Variants in AMD1 observed in about 807,000 individuals in gnomAD.
AMD1 encodes the protein S-adenosylmethionine decarboxylase proenzyme.
A neutral mutation model predicts 40.2 loss-of-function variants in AMD1; 11 were observed. That is an observed-to-expected ratio of 0.27 (90% CI 0.17 to 0.45). AMD1 has a LOEUF of 0.45. Ranked by LOEUF, AMD1 falls within the 20% of genes least tolerant of loss-of-function variation. AMD1 has a pLI of 1.00. For missense variants in AMD1, 257 were observed against 410.2 expected (o/e 0.63, Z 3.23); for synonymous variants, 121 against 130.8 (o/e 0.93, Z 0.51).
intron 1 of AMD1, 116 bp downstream of exon 1, chr6:110,875,331 G>C: frequency 1.2e-6 from 1 of 844,298 alleles, no homozygotes; most frequent in South Asian, 1.5e-5. Context: ...CAAGTCTGCG[G>C]CCTGGGGTCG....
At chr6:110,849,966 A>G in the AMD1 span, among the ~76,000 whole-genome samples, 1 of 151,770 alleles carries the variant, frequency 6.6e-6, no homozygotes, top group Non-Finnish European at 1.5e-5. Context: ...TTGAGGCTGC[A>G]GTGAGCTGTG....
chr6:110,817,257 G>A, the AMD1 span, among the ~76,000 whole-genome samples: 1 of 152,160 alleles, frequency 6.6e-6, no homozygotes, highest in Admixed American at 6.5e-5. Context: ...ACTAGTGGGA[G>A]GGGGAATGAT....
At chr6:110,841,604 G>T in the AMD1 span, among the ~76,000 whole-genome samples, 1 of 151,838 alleles carries the variant, frequency 6.6e-6, no homozygotes, top group African/African-American at 2.4e-5. Context: ...AGTTTAGATT[G>T]TGCGGTCTGG....
At position 110,894,908 on chromosome 6, in the gene AMD1, T is replaced by G. The variant is rs568932520; in HGVS notation, c.*1292T>G. The G allele has an allele frequency of 6.6e-6, 1 of 152,304 alleles. No individual in the cohort carries two copies. Among genetic ancestry groups the G allele is most frequent in the Admixed American group, 6.5e-5 (1 of 15,298 alleles). The allele number at this position is 152,304 out of a possible 1,614,324, so 9.4% of individuals were successfully genotyped here. A position where few individuals can be genotyped will look rare whatever the true frequency, so the allele number is the denominator to read the frequency against. On this transcript the variant is annotated 3_prime_UTR_variant, in exon 9 of 9. Transcript: ENST00000368885. ...GCCCAGAATGAGAATTTGTCCAGAT[T>G]ATTCAGATAAACATCATAAAGCAGA...
the AMD1 span, among the ~76,000 whole-genome samples, chr6:110,868,168 GAC>G: frequency 7.9e-5 from 12 of 151,368 alleles, no homozygotes; most frequent in African/African-American, 2.7e-4. Flanking sequence ...TTATTTTTGA[GAC>G]AGAGTCTCAC....
chr6:110,831,534 A>G, the AMD1 span, among the ~76,000 whole-genome samples: 1 of 152,108 alleles, frequency 6.6e-6, no homozygotes, highest in East Asian at 1.9e-4. Context: ...GGCTCAAGCA[A>G]TCCTCCCACT....
the AMD1 span, among the ~76,000 whole-genome samples, chr6:110,846,096 C>CG: frequency 6.6e-6 from 1 of 151,928 alleles, no homozygotes; most frequent in Non-Finnish European, 1.5e-5. Flanking sequence ...AAAAATTAGC[C>CG]GGTGTGGTGG....
chr6:110,847,782 G>T, the AMD1 span, among the ~76,000 whole-genome samples: 1 of 151,086 alleles, frequency 6.6e-6, no homozygotes, highest in African/African-American at 2.4e-5. Flanking sequence ...CACAATCTTG[G>T]CTCACTGCAA....
chr6:110,879,427 C>A lies in AMD1; in HGVS notation c.110+4212C>A, dbSNP rs77257555. On this transcript the variant is annotated intron_variant, in intron 1 of 8. Transcript: ENST00000368885. Reference sequence around the variant, plus strand: ...AGCACATGTTGAAAGTAGCAGAAAACTGAGAGGAGTATCCCGATTTGGGGT... The same window carrying A: ...AGCACATGTTGAAAGTAGCAGAAAAATGAGAGGAGTATCCCGATTTGGGGT... Among the ~76,000 whole-genome samples, 41 of 152,240 alleles carry A rather than the reference C, an allele frequency of 2.7e-4. No homozygotes were observed. In the East Asian group the frequency reaches 7.7e-3, roughly 29 times the overall value.
chr6:110,854,728 G>A, the AMD1 span, among the ~76,000 whole-genome samples: 2 of 151,950 alleles, frequency 1.3e-5, no homozygotes, highest in Non-Finnish European at 2.9e-5. Context: ...GATTACAGGA[G>A]TGAGCCACCG....
At chr6:110,826,574 T>C in the AMD1 span, among the ~76,000 whole-genome samples, 1 of 152,150 alleles carries the variant, frequency 6.6e-6, no homozygotes, top group Admixed American at 6.6e-5. Context: ...GGTTCTGGTG[T>C]TGCCTGAAAG....
At chr6:110,853,779 T>C in the AMD1 span, among the ~76,000 whole-genome samples, 32 of 152,320 alleles carry the variant, frequency 2.1e-4, no homozygotes, top group African/African-American at 7.7e-4. Context: ...CTTTCAGAAC[T>C]AACAGTTGAA....
chr6:110,857,658 A>G, the AMD1 span, among the ~76,000 whole-genome samples: 137 of 139,340 alleles, frequency 9.8e-4, no homozygotes, highest in African/African-American at 3.5e-3. Context: ...TATAGATGGT[A>G]TATATATATA....
At chr6:110,829,259 C>T in the AMD1 span, among the ~76,000 whole-genome samples, 1 of 151,776 alleles carries the variant, frequency 6.6e-6, no homozygotes, top group Non-Finnish European at 1.5e-5. Context: ...CGGCTGAGTG[C>T]AGTGGCTCAC....
chr6:110,868,682 A>G, the AMD1 span, among the ~76,000 whole-genome samples: 1 of 152,180 alleles, frequency 6.6e-6, no homozygotes, highest in South Asian at 2.1e-4. Flanking sequence ...CTCTATCCAT[A>G]TTAGTTACAC....
At chr6:110,840,729 G>A in the AMD1 span, among the ~76,000 whole-genome samples, 1 of 128,106 alleles carries the variant, frequency 7.8e-6, no homozygotes, top group African/African-American at 2.9e-5. Flanking sequence ...AGGGTCTTAA[G>A]ACCCACAGTC....
At chr6:110,879,747 CTT>C (rs1425708480) in intron 1 of AMD1, among the ~76,000 whole-genome samples, 3 of 152,130 alleles carry the variant, frequency 2.0e-5, no homozygotes, top group African/African-American at 7.2e-5. Context: ...GCTGCAGTGA[CTT>C]TGGATAAATT....
At chr6:110,866,209 A>C in the AMD1 span, among the ~76,000 whole-genome samples, 4 of 152,240 alleles carry the variant, frequency 2.6e-5, no homozygotes, top group Non-Finnish European at 2.9e-5. Flanking sequence ...AGCTTTTGGA[A>C]ATATCTGAAA....
intron 2 of AMD1, 55 bp downstream of exon 2, chr6:110,887,646 G>A: frequency 7.8e-7 from 1 of 1,276,998 alleles, no homozygotes; most frequent in Non-Finnish European, 1.1e-6. Flanking sequence ...ATCATAATGT[G>A]AAACAGTTAA....
Sources: gnomAD v4.1 joint callset for allele counts (sites outside exome capture counted in the v4.1 genomes callset) on GRCh38, gnomAD v4.1.1 for gene constraint, MANE v1.5 for transcripts, NCBI Gene and HGNC (gene_info 2026-07-23, HGNC 2026-07-21) for gene names.